GRM1: variants seen among roughly 807,000 people sequenced by gnomAD.
GRM1 encodes metabotropic glutamate receptor 1.
In GRM1, 33 loss-of-function variants were observed where a neutral mutation model predicts 90.9. The ratio of observed to expected loss-of-function variants is 0.36; its 90% CI spans 0.28 to 0.49. GRM1 has a LOEUF of 0.49. Ranked by LOEUF, GRM1 falls within the 20% of genes least tolerant of loss-of-function variation. The pLI is 0.99. For synonymous variants in GRM1, 700 were observed against 613.2 expected, an observed-to-expected ratio of 1.14 and a Z score of -2.09; for missense variants, 1,190 against 1,534.3, an observed-to-expected ratio of 0.78 and a Z score of 3.75.
chr6:146,039,544 G>A (rs903151478), intron 1 of GRM1, among the ~76,000 whole-genome samples: 3 of 151,930 alleles, frequency 2.0e-5, no homozygotes, highest in African/African-American at 7.2e-5. Flanking sequence ...AAGAAATCAA[G>A]ATCAGATTAT....
intron 2 of GRM1, among the ~76,000 whole-genome samples, chr6:146,179,600 G>A (rs1000816222): frequency 6.6e-5 from 10 of 152,250 alleles, no homozygotes; most frequent in Admixed American, 4.6e-4. Context: ...TGCAAGCTCC[G>A]TCTCCCGGGT....
At position 146,206,217 on chromosome 6, in the gene GRM1, G is replaced by A. The variant is rs564152385; in HGVS notation, c.950+46620G>A. Among the ~76,000 whole-genome samples the A allele has an allele frequency of 3.3e-5, 5 of 152,304 alleles. No homozygotes were observed. The South Asian group carries it at 1.0e-3, about 32-fold the overall frequency. Reference sequence around the variant, plus strand: ...GTCAGGAGAAACAGATAGAGAAGCAGGAGGTAAGCCCAATGGCTTGTGGGG... The same window carrying A: ...GTCAGGAGAAACAGATAGAGAAGCAAGAGGTAAGCCCAATGGCTTGTGGGG... On this transcript the variant is annotated intron_variant, in intron 2 of 7. Transcript: ENST00000282753.
intron 2 of GRM1, among the ~76,000 whole-genome samples, chr6:146,226,678 G>C (rs1344616553): frequency 6.6e-6 from 1 of 152,098 alleles, no homozygotes; most frequent in Non-Finnish European, 1.5e-5. Context: ...TCATTTATTT[G>C]CTCTACAATT....
intron 1 of GRM1, among the ~76,000 whole-genome samples, chr6:146,109,215 C>T (rs1775448143): frequency 1.3e-5 from 2 of 152,256 alleles, no homozygotes; most frequent in South Asian, 2.1e-4. Flanking sequence ...ATGGCAGCCC[C>T]CCCAATCACA....
At chr6:146,409,622 C>T (rs1364008005) in intron 7 of GRM1, among the ~76,000 whole-genome samples, 1 of 151,908 alleles carries the variant, frequency 6.6e-6, no homozygotes, top group African/African-American at 2.4e-5. Context: ...AGGACATTGT[C>T]TTCTGAGTTA....
intron 2 of GRM1, among the ~76,000 whole-genome samples, chr6:146,266,056 G>A (rs926542937): frequency 2.6e-5 from 4 of 152,090 alleles, no homozygotes; most frequent in Non-Finnish European, 5.9e-5. Flanking sequence ...AGGTATGGTG[G>A]TGCGTGCCTG....
chr6:146,141,409 C>T (rs150930060), intron 1 of GRM1, among the ~76,000 whole-genome samples: 27 of 151,592 alleles, frequency 1.8e-4, no homozygotes, highest in African/African-American at 6.3e-4. Context: ...CTTTCTTGTA[C>T]TTGAATGTTA....
At chr6:146,047,419 T>C (rs113507679) in intron 1 of GRM1, among the ~76,000 whole-genome samples, 3 of 151,982 alleles carry the variant, frequency 2.0e-5, no homozygotes, top group Non-Finnish European at 4.4e-5. Context: ...CATAAATATT[T>C]GATTTTAAGA....
intron 2 of GRM1, among the ~76,000 whole-genome samples, chr6:146,203,808 A>G (rs1779401382): frequency 6.6e-6 from 1 of 152,264 alleles, no homozygotes; most frequent in Non-Finnish European, 1.5e-5. Flanking sequence ...AGAGAAAACC[A>G]GAAAATATTA....
chr6:146,251,965 A>G (rs868455162), intron 2 of GRM1, among the ~76,000 whole-genome samples: 9 of 152,038 alleles, frequency 5.9e-5, no homozygotes, highest in African/African-American at 1.4e-4. Flanking sequence ...ATTTTTCTCA[A>G]ATACATCTCA....
At chr6:146,172,244 T>G (rs1187069997) in intron 2 of GRM1, among the ~76,000 whole-genome samples, 1 of 152,184 alleles carries the variant, frequency 6.6e-6, no homozygotes, top group East Asian at 1.9e-4. Context: ...TCCTCTATTT[T>G]CAAGCCAGTA....
chr6:146,204,839 C>A (rs1020118815), intron 2 of GRM1, among the ~76,000 whole-genome samples: 1 of 152,134 alleles, frequency 6.6e-6, no homozygotes, highest in African/African-American at 2.4e-5. Context: ...AGGGAACAGA[C>A]CCAATGTGTA....
chr6:146,271,304 A>G (rs1782155277), intron 2 of GRM1, among the ~76,000 whole-genome samples: 1 of 150,560 alleles, frequency 6.6e-6, no homozygotes, highest in Non-Finnish European at 1.5e-5. Context: ...GTGCCCGGCC[A>G]GAGTTTCATT....
chr6:146,226,256 A>G (rs893058742), intron 2 of GRM1, among the ~76,000 whole-genome samples: 2 of 152,140 alleles, frequency 1.3e-5, no homozygotes, highest in African/African-American at 2.4e-5. Context: ...TTCCTAATGG[A>G]CATGAACTGA....
At chr6:146,321,643 C>A (rs1438027509) in intron 3 of GRM1, among the ~76,000 whole-genome samples, 1 of 151,330 alleles carries the variant, frequency 6.6e-6, no homozygotes, top group Non-Finnish European at 1.5e-5. Flanking sequence ...TTATGAATCT[C>A]GGTGCTCCTG....
intron 1 of GRM1, among the ~76,000 whole-genome samples, chr6:146,087,692 A>G (rs1321983751): frequency 6.6e-6 from 1 of 152,190 alleles, no homozygotes; most frequent in Non-Finnish European, 1.5e-5. Context: ...GAAATCATAC[A>G]GTATGTGACC....
chr6:146,308,994 G>A (rs1292164286), intron 3 of GRM1, among the ~76,000 whole-genome samples: 1 of 151,970 alleles, frequency 6.6e-6, no homozygotes, highest in Non-Finnish European at 1.5e-5. Context: ...CAAAAATGTT[G>A]CAGTGATATA....
chr6:146,369,529 A>G (rs139479481), intron 5 of GRM1, among the ~76,000 whole-genome samples: 7 of 151,376 alleles, frequency 4.6e-5, no homozygotes, highest in African/African-American at 1.2e-4. Context: ...TTCCACCTTT[A>G]TTTGTTTCTC....
intron 1 of GRM1, among the ~76,000 whole-genome samples, chr6:146,079,880 A>G (rs997630707): frequency 6.6e-6 from 1 of 152,068 alleles, no homozygotes; most frequent in Admixed American, 6.5e-5. Context: ...CTTTACCACT[A>G]TGGATGGGTT....
Sources: allele counts gnomAD v4.1 joint callset (sites outside exome capture counted in the v4.1 genomes callset), GRCh38; gene constraint gnomAD v4.1.1; transcripts MANE v1.5; gene names NCBI Gene and HGNC (gene_info 2026-07-23, HGNC 2026-07-21).